The following AFAP1L1 variants were observed in gnomAD, a reference collection of about 807,000 sequenced individuals.
AFAP1L1 encodes actin filament associated protein 1 like 1, also known as actin filament-associated protein 1-like 1.
Under a neutral mutation model 99.8 loss-of-function variants are expected in AFAP1L1, and 77 were observed. That is an observed-to-expected ratio of 0.77 (90% CI 0.64 to 0.93). The LOEUF is 0.93. Among genes scored for constraint, AFAP1L1 ranks in the 40% least tolerant of loss-of-function variants. The probability of loss-of-function intolerance (pLI) is 0.00; values close to 1 mark genes in which losing one functional copy is unlikely to be tolerated. For missense variants in AFAP1L1, 893 were observed against 996.8 expected, an observed-to-expected ratio of 0.90 and a Z score of 1.40; for synonymous variants, 373 against 395.3, an observed-to-expected ratio of 0.94 and a Z score of 0.67.
In AFAP1L1 at chr5:149,271,983, G is replaced by C; in HGVS notation, c.15G>C (p.Gln5His). ...GGGCCGGCGCCATGGACCGAGGCCA[G>C]GGTAAGAGGGGCCGCGACGCCCGCA... The part of the protein sequence containing the change: MDRG[Q>H]VLEQLLPELT... Residue 5 changes from glutamine (Q) to histidine (H), a missense_variant and splice_region_variant, in exon 1 of 19, where the codon CAG becomes CAC. By Grantham distance (24) the Gln-to-His change is conservative (BLOSUM62 0). Transcript: ENST00000296721. 2 of 1,238,488 alleles carry C rather than the reference G, an allele frequency of 1.6e-6. No homozygotes were observed. Among genetic ancestry groups the C allele is most frequent in the Non-Finnish European group, 2.0e-6 (2 of 988,130 alleles). 76.7% of individuals were successfully genotyped at this position (1,238,488 alleles called of 1,614,324 possible).
chr5:149,312,780 C>A (rs905259955), intron 9 of AFAP1L1, among the ~76,000 whole-genome samples: 4 of 145,844 alleles, frequency 2.7e-5, no homozygotes, highest in Non-Finnish European at 6.1e-5. Flanking sequence ...CAGAGTGAGA[C>A]CCTGTCTCAG....
At position 149,316,227 on chromosome 5, in the gene AFAP1L1, C is replaced by T. The variant is rs1367700704; in HGVS notation, c.1191C>T (p.Ile397=). The change falls in exon 11 of 19, where the codon ATC becomes ATT. Residue 397 remains isoleucine, a synonymous_variant. Coordinates refer to ENST00000296721, the MANE Select transcript of AFAP1L1 (RefSeq NM_152406.4). ...CTGCGGGCCGCAAGATCACCCGTAT[C>T]ATTGGCTTCTCCAAGAAGAAGACAC... ...SRAAGRKITR[I]IGFSKKKTLA... is the part of the protein sequence containing the mutation. 4.3e-6 allele frequency: 7 copies of T among 1,614,006 alleles called. No homozygotes were observed. Among genetic ancestry groups the T allele is most frequent in the Non-Finnish European group, 5.9e-6 (7 of 1,180,034 alleles).
chr5:149,317,207 T>C (rs1756822197), intron 11 of AFAP1L1, among the ~76,000 whole-genome samples: 1 of 152,146 alleles, frequency 6.6e-6, no homozygotes. Context: ...CAAAGAAATA[T>C]TTTGTAATTA....
At chr5:149,323,933 CAA>C (rs1256817039) in intron 15 of AFAP1L1, among the ~76,000 whole-genome samples, 1 of 152,186 alleles carries the variant, frequency 6.6e-6, no homozygotes, top group Non-Finnish European at 1.5e-5. Flanking sequence ...CAAACACACA[CAA>C]AAAAGCAGAC....
At chr5:149,307,717 G>T (rs934073895) in intron 7 of AFAP1L1, 104 bp downstream of exon 7, 2 of 1,257,148 alleles carry the variant, frequency 1.6e-6, no homozygotes, top group Admixed American at 2.0e-5. Flanking sequence ...TACCTGGATT[G>T]ACTGTGTGCA....
intron 14 of AFAP1L1, among the ~76,000 whole-genome samples, chr5:149,322,079 A>C (rs913111133): frequency 6.6e-6 from 1 of 152,224 alleles, no homozygotes; most frequent in Non-Finnish European, 1.5e-5. Flanking sequence ...TGACAACATC[A>C]TTATTATATT....
chr5:149,304,964 G>GT (rs1021478138), intron 5 of AFAP1L1, among the ~76,000 whole-genome samples: 1 of 998 alleles, frequency 1.0e-3, no homozygotes, highest in Non-Finnish European at 0.021. Context: ...GCTTCCTGGA[G>GT]GGGGATGTGC....
intron 10 of AFAP1L1, 80 bp downstream of exon 10, chr5:149,315,994 G>A: frequency 6.3e-7 from 1 of 1,593,642 alleles, no homozygotes. Context: ...CGGCAGAGCA[G>A]GTTCTGACCA....
At chr5:149,332,034 G>A (rs1348423459) in intron 16 of AFAP1L1, among the ~76,000 whole-genome samples, 2 of 152,128 alleles carry the variant, frequency 1.3e-5, no homozygotes, top group Admixed American at 1.3e-4. Flanking sequence ...TGTGATTATG[G>A]GGCAGACCTA....
intron 1 of AFAP1L1, among the ~76,000 whole-genome samples, chr5:149,287,752 G>GTTTTTTTTT (rs57835099): frequency 1.5e-5 from 2 of 130,282 alleles, no homozygotes; most frequent in African/African-American, 2.8e-5. Context: ...TTTTTTTGGT[G>GTTTTTTTTT]TTTTTTTTTT....
At chr5:149,300,837 A>G (rs989014607) in intron 3 of AFAP1L1, among the ~76,000 whole-genome samples, 2 of 152,218 alleles carry the variant, frequency 1.3e-5, no homozygotes, top group Non-Finnish European at 2.9e-5. Flanking sequence ...GGACTCATAG[A>G]CTTAGGGAGC....
intron 3 of AFAP1L1, 34 bp downstream of exon 3, chr5:149,300,388 C>G (rs770373779): frequency 2.5e-6 from 4 of 1,579,116 alleles, no homozygotes; most frequent in African/African-American, 2.7e-5. Context: ...AGCTACGGAG[C>G]CATCCCTCTT....
In AFAP1L1 at chr5:149,316,138, A is replaced by G; in HGVS notation, c.1115-13A>G. Reference sequence around the variant, plus strand: ...AGGGCTCCCTCCACTCCCCTGACCCATTTCCCCAACAGGCAAAGGGAAGAA... The same window carrying G: ...AGGGCTCCCTCCACTCCCCTGACCCGTTTCCCCAACAGGCAAAGGGAAGAA... On this transcript the variant is annotated splice_polypyrimidine_tract_variant and intron_variant, in intron 10 of 18. Transcript: ENST00000296721. 1 of 1,611,434 alleles carries G rather than the reference A, an allele frequency of 6.2e-7. No individual in the cohort carries two copies. Among genetic ancestry groups the G allele is most frequent in the Non-Finnish European group, 8.5e-7 (1 of 1,178,044 alleles).
intron 1 of AFAP1L1, among the ~76,000 whole-genome samples, chr5:149,279,043 T>C (rs567594253): frequency 1.3e-5 from 2 of 152,242 alleles, no homozygotes; most frequent in South Asian, 4.1e-4. Flanking sequence ...GAGCTCATCT[T>C]ATTCACCACC....
intron 1 of AFAP1L1, among the ~76,000 whole-genome samples, chr5:149,287,604 G>T (rs929138318): frequency 6.6e-6 from 1 of 152,112 alleles, no homozygotes; most frequent in African/African-American, 2.4e-5. Flanking sequence ...ATTTATTTGA[G>T]ATGGAATCTC....
chr5:149,310,001 C>G lies in AFAP1L1; in HGVS notation c.793C>G (p.Leu265Val), dbSNP rs754745832. 6.2e-7 allele frequency: 1 copy of G among 1,614,246 alleles called. No homozygotes were observed. Among genetic ancestry groups the G allele is most frequent in the Admixed American group, 1.7e-5 (1 of 60,034 alleles). The change falls in exon 8 of 19, where the codon CTG becomes GTG. Residue 265 changes from leucine (L) to valine (V), a missense_variant. Coordinates refer to ENST00000296721, the MANE Select transcript of AFAP1L1 (RefSeq NM_152406.4). ...KDRQPHLRLA[L>V]DTCSIIYVPK... ...TCGGCAGCCACATCTGAGGTTGGCA[C>G]TGGATACCTGCAGCATCATCTACGT...
chr5:149,311,513 G>A (rs568499413), intron 8 of AFAP1L1, among the ~76,000 whole-genome samples: 15 of 152,350 alleles, frequency 9.8e-5, no homozygotes, highest in East Asian at 9.6e-4. Context: ...AAGGCTGGTG[G>A]GGGATAAAAT....
At position 149,322,775 on chromosome 5, in the gene AFAP1L1, T is replaced by C. The variant is rs1756990676; in HGVS notation, c.1810+58T>C. 3.6e-6 allele frequency: 5 copies of C among 1,391,374 alleles called. 1 individual carries two copies. In the South Asian group the frequency reaches 5.2e-5, roughly 15 times the overall value. The allele number at this position is 1,391,374 out of a possible 1,614,324, so 86.2% of individuals were successfully genotyped here. A position where few individuals can be genotyped will look rare whatever the true frequency, so the allele number is the denominator to read the frequency against. ...GGGAGGAAGGAAAGGAAGCAGTCTATAGGAGGGATCTCAAAATCAGTTTCC... is the reference window on the plus strand; with the variant it reads ...GGGAGGAAGGAAAGGAAGCAGTCTACAGGAGGGATCTCAAAATCAGTTTCC... On this transcript the variant is annotated intron_variant, in intron 15 of 18. Coordinates refer to ENST00000296721, the MANE Select transcript of AFAP1L1 (RefSeq NM_152406.4).
intron 14 of AFAP1L1, among the ~76,000 whole-genome samples, chr5:149,321,442 G>A (rs1756949006): frequency 6.6e-6 from 1 of 152,070 alleles, no homozygotes; most frequent in African/African-American, 2.4e-5. Flanking sequence ...AAGTTTAGGC[G>A]GGGTCTGGGT....
Sources: gnomAD v4.1 joint callset for allele counts (sites outside exome capture counted in the v4.1 genomes callset) on GRCh38, gnomAD v4.1.1 for gene constraint, MANE v1.5 for transcripts, NCBI Gene and HGNC (gene_info 2026-07-23, HGNC 2026-07-21) for gene names.